The following ATG10 variants were observed in gnomAD, a reference collection of about 807,000 sequenced individuals.
The protein encoded by ATG10 is autophagy related 10, also known as ubiquitin-like-conjugating enzyme ATG10.
Under a neutral mutation model 32.1 loss-of-function variants are expected in ATG10, and 30 were observed. That is an observed-to-expected ratio of 0.94 (90% CI 0.70 to 1.27). ATG10 has a LOEUF of 1.27. Among genes scored for constraint, ATG10 ranks in the 50% most tolerant of loss-of-function variants. The pLI is 0.00. For synonymous variants in ATG10, 87 were observed against 91.5 expected (o/e 0.95, Z 0.28); for missense variants, 233 against 262.3 (o/e 0.89, Z 0.77).
intron 3 of ATG10, among the ~76,000 whole-genome samples, chr5:82,090,419 A>G (rs909646236): frequency 1.1e-4 from 17 of 152,228 alleles, no homozygotes; most frequent in Non-Finnish European, 2.5e-4. Flanking sequence ...CCATTATTCT[A>G]TTCAGCAATG....
intron 5 of ATG10, among the ~76,000 whole-genome samples, chr5:82,219,210 C>T (rs977720868): frequency 5.3e-5 from 8 of 152,254 alleles, no homozygotes; most frequent in East Asian, 1.9e-4. Context: ...ACACTGTAAT[C>T]GCCTCTTGCA....
intron 1 of ATG10, 145 bp downstream of exon 1, chr5:81,972,451 G>C (rs1293316481): frequency 6.6e-6 from 1 of 152,336 alleles, no homozygotes; most frequent in Non-Finnish European, 1.5e-5. Context: ...CCGGGGAAGC[G>C]GGTCCCCGCC....
chr5:82,158,646 G>A (rs556938433), intron 3 of ATG10, among the ~76,000 whole-genome samples: 1 of 152,084 alleles, frequency 6.6e-6, no homozygotes, highest in South Asian at 2.1e-4. Flanking sequence ...TCCTCAGGGT[G>A]GGGGGGTTCT....
intron 3 of ATG10, among the ~76,000 whole-genome samples, chr5:82,149,335 T>A (rs1389168839): frequency 2.0e-5 from 3 of 151,958 alleles, no homozygotes; most frequent in Non-Finnish European, 4.4e-5. Flanking sequence ...TTCCCTTACT[T>A]GTGCTCCTGA....
At chr5:82,218,784 C>A in intron 5 of ATG10, among the ~76,000 whole-genome samples, 1 of 152,166 alleles carries the variant, frequency 6.6e-6, no homozygotes, top group East Asian at 1.9e-4. Context: ...CTGCACAGAG[C>A]TCTTTGATAT....
At chr5:82,027,054 A>T (rs1448921371) in intron 2 of ATG10, among the ~76,000 whole-genome samples, 1 of 148,796 alleles carries the variant, frequency 6.7e-6, no homozygotes, top group Non-Finnish European at 1.5e-5. Flanking sequence ...GCAAGACTCC[A>T]TCTCAGAAAA....
At chr5:81,982,716 C>A (rs961072015) in intron 1 of ATG10, among the ~76,000 whole-genome samples, 1 of 152,094 alleles carries the variant, frequency 6.6e-6, no homozygotes, top group Non-Finnish European at 1.5e-5. Flanking sequence ...TGCGGCCTTC[C>A]GCAGTGTTTG....
intron 3 of ATG10, among the ~76,000 whole-genome samples, chr5:82,078,997 A>G (rs758997784): frequency 6.6e-6 from 1 of 152,144 alleles, no homozygotes; most frequent in Non-Finnish European, 1.5e-5. Context: ...ATGCATGCTA[A>G]TGGGACTCTG....
chr5:82,206,011 C>A (rs544324270), intron 5 of ATG10, among the ~76,000 whole-genome samples: 2 of 152,248 alleles, frequency 1.3e-5, no homozygotes, highest in South Asian at 4.1e-4. Flanking sequence ...AGTCAAGGAA[C>A]TGAAATCTTG....
intron 7 of ATG10, 123 bp from the exon 8 acceptor site, chr5:82,253,945 T>A (rs1010423233): frequency 1.3e-5 from 2 of 155,074 alleles, no homozygotes; most frequent in Non-Finnish European, 2.9e-5. Flanking sequence ...TACTTTGCTG[T>A]AAGTAGCATG....
At chr5:82,017,577 C>T (rs1450712270) in intron 2 of ATG10, among the ~76,000 whole-genome samples, 1 of 152,090 alleles carries the variant, frequency 6.6e-6, no homozygotes, top group Admixed American at 6.5e-5. Context: ...AGATATGTCC[C>T]TTCTATGCTG....
At chr5:82,177,276 A>G (rs578135269) in intron 4 of ATG10, among the ~76,000 whole-genome samples, 1 of 152,292 alleles carries the variant, frequency 6.6e-6, no homozygotes, top group African/African-American at 2.4e-5. Flanking sequence ...GTAAGTGCCA[A>G]CACCAGGATT....
chr5:82,161,696 A>ACACAC (rs1743351306), intron 3 of ATG10, among the ~76,000 whole-genome samples: 6 of 129,664 alleles, frequency 4.6e-5, no homozygotes, highest in African/African-American at 1.5e-4. Context: ...TTAGAGAATA[A>ACACAC]ACACACACAC....
At chr5:82,110,325 TG>T (rs1765578217) in intron 3 of ATG10, among the ~76,000 whole-genome samples, 1 of 152,162 alleles carries the variant, frequency 6.6e-6, no homozygotes, top group East Asian at 1.9e-4. Flanking sequence ...AGTAATGGGA[TG>T]GCTGGGTCAA....
chr5:82,035,642 G>A (rs1007919670), intron 2 of ATG10, among the ~76,000 whole-genome samples: 11 of 151,054 alleles, frequency 7.3e-5, no homozygotes, highest in South Asian at 2.1e-4. Flanking sequence ...TTTTATATGC[G>A]TATTGGTCAT....
Position 82,164,537 on chromosome 5 carries a change from G to T in ATG10, c.355G>T (p.Asp119Tyr). The T allele has an allele frequency of 6.2e-7, 1 of 1,608,008 alleles. No individual in the cohort carries two copies. ...ACTTTACTTTAGGGCAAGCTTTTTA[G>T]GTAAGAACATGTCTGAAGCTAAAAG... ...PVLYFRASFL[D>Y]GRPLTLKDIW... The change falls in exon 4 of 8, where the codon GAT (aspartate) becomes TAT (tyrosine). Residue 119 changes from aspartate to tyrosine, a missense_variant and splice_region_variant. Coordinates refer to ENST00000282185, the MANE Select transcript of ATG10 (RefSeq NM_031482.5).
intron 2 of ATG10, among the ~76,000 whole-genome samples, chr5:82,047,061 A>C (rs1763255429): frequency 6.6e-6 from 1 of 152,066 alleles, no homozygotes; most frequent in African/African-American, 2.4e-5. Flanking sequence ...TGAGCAAACA[A>C]ACATAATATG....
intron 2 of ATG10, among the ~76,000 whole-genome samples, chr5:82,023,836 AC>A (rs1277847523): frequency 6.6e-6 from 1 of 152,190 alleles, no homozygotes; most frequent in Non-Finnish European, 1.5e-5. Flanking sequence ...AAAGCCGTAA[AC>A]CTTTTCTTCC....
rs145932815 is a variant in ATG10 at position 82,225,968 on chromosome 5, A to G, written c.454-26594A>G. Among the ~76,000 whole-genome samples the G allele has an allele frequency of 2.3e-3, 350 of 152,320 alleles. 3 individuals are homozygous for G. The highest frequency in any genetic ancestry group is 8.1e-3 in the African/African-American group (337 of 41,562). The stretch of plus-strand genomic sequence containing the variant: ...AGAGTAGCATCTTAGAGTGAGTTAT[A>G]CGTATTTAACTTCTTTAGTGGAAGA... On this transcript the variant is annotated intron_variant, in intron 5 of 7. Transcript: ENST00000282185.
Sources: allele counts gnomAD v4.1 joint callset (sites outside exome capture counted in the v4.1 genomes callset), GRCh38; gene constraint gnomAD v4.1.1; transcripts MANE v1.5; gene names NCBI Gene and HGNC (gene_info 2026-07-23, HGNC 2026-07-21).